Variants in GALNT18 observed in about 807,000 individuals in gnomAD.
GALNT18 encodes the protein polypeptide N-acetylgalactosaminyltransferase 18, also known as GalNAc-transferase 18.
GALNT18 carries 44 observed loss-of-function variants against 69.5 expected under a neutral mutation model. The ratio of observed to expected loss-of-function variants is 0.63; its 90% CI spans 0.50 to 0.81. The LOEUF (loss-of-function observed/expected upper bound fraction) is 0.81. Among genes scored for constraint, GALNT18 ranks in the 40% least tolerant of loss-of-function variants. GALNT18 has a pLI of 0.00. For synonymous variants in GALNT18, 364 were observed against 318.2 expected, an observed-to-expected ratio of 1.14 and a Z score of -1.53; for missense variants, 715 against 810.0, an observed-to-expected ratio of 0.88 and a Z score of 1.42.
In GALNT18 at chr11:11,542,494, C is replaced by T. The variant is rs890718370; in HGVS notation, c.235+78865G>A. On this transcript the variant is annotated intron_variant, in intron 1 of 10. Transcript: ENST00000227756. This position sits in a 1 kb window ranked among gnomAD's most constrained non-coding sequence, Gnocchi z 4.3. The stretch of plus-strand genomic sequence containing the variant: ...CAATGAATGAATGAAGAAATCATCA[C>T]GTGCTTCTCACTTTTCACATGCAAA... 2.0e-5 allele frequency among the ~76,000 whole-genome samples: 3 copies of T among 152,240 alleles called. No homozygotes were observed. Among genetic ancestry groups the T allele is most frequent in the Non-Finnish European group, 4.4e-5 (3 of 68,044 alleles).
chr11:11,337,793 G>T lies in GALNT18; in HGVS notation c.1278+3026C>A, dbSNP rs1430055174. On this transcript the variant is annotated intron_variant, in intron 7 of 10. Transcript: ENST00000227756. This position sits in a 1 kb window ranked among gnomAD's most constrained non-coding sequence, Gnocchi z 4.9. ...CGGTATGTAATGGGCAGTTCCCATA[G>T]TCCACGCAACGTATGCAGACTTCAA... 6.6e-6 allele frequency among the ~76,000 whole-genome samples: 1 copy of T among 152,056 alleles called. No individual in the cohort carries two copies. Among genetic ancestry groups the T allele is most frequent in the Non-Finnish European group, 1.5e-5 (1 of 68,020 alleles).
intron 2 of GALNT18, among the ~76,000 whole-genome samples, chr11:11,441,204 T>C (rs545011744): frequency 6.6e-6 from 1 of 152,332 alleles, no homozygotes; most frequent in East Asian, 1.9e-4. Context: ...AATAACATTA[T>C]ACTCTTGGCC....
rs551716581 is a variant in GALNT18, at chr11:11,356,592, C to T, written c.1093-15588G>A. On this transcript the variant is annotated intron_variant, in intron 6 of 10. Coordinates refer to ENST00000227756, the MANE Select transcript of GALNT18 (RefSeq NM_198516.3). This position sits in a 1 kb window ranked among gnomAD's most constrained non-coding sequence, Gnocchi z 4.4. ...AGTTCACCAATTGTCCCAATCAAAG[C>T]CTTTATAGCTATTTTTCCCCTTCAT... Among the ~76,000 whole-genome samples the T allele has an allele frequency of 1.3e-5, 2 of 152,128 alleles. No homozygotes were observed. Among genetic ancestry groups the T allele is most frequent in the Admixed American group, 1.3e-4 (2 of 15,284 alleles).
chr11:11,432,603 G>C lies in GALNT18; in HGVS notation c.595+18C>G, dbSNP rs778048857. The C allele has an allele frequency of 1.3e-6, 2 of 1,593,520 alleles. No homozygotes were observed. Among genetic ancestry groups the C allele is most frequent in the South Asian group, 1.1e-5 (1 of 87,616 alleles). On this transcript the variant is annotated intron_variant, in intron 3 of 10. Coordinates refer to ENST00000227756, the MANE Select transcript of GALNT18 (RefSeq NM_198516.3). This position sits in a 1 kb window ranked among gnomAD's most constrained non-coding sequence, Gnocchi z 5.8. ...GCCAGGAAGTAGGGCCTGGGCCCTG[G>C]GAAGCTCCGACACTCACCGTTACTG...
At chr11:11,559,925 TACA>T (rs1858434400) in intron 1 of GALNT18, among the ~76,000 whole-genome samples, 1 of 113,540 alleles carries the variant, frequency 8.8e-6, no homozygotes. Context: ...TAGAATGAGA[TACA>T]ATGTGATGGG....
At chr11:11,501,366 T>A (rs960403965) in intron 1 of GALNT18, among the ~76,000 whole-genome samples, 1 of 152,198 alleles carries the variant, frequency 6.6e-6, no homozygotes, top group African/African-American at 2.4e-5. Flanking sequence ...TCTCACAGAA[T>A]CTTGGATCTG....
chr11:11,433,038 G>A (rs139954589), intron 2 of GALNT18, among the ~76,000 whole-genome samples: 2 of 152,238 alleles, frequency 1.3e-5, no homozygotes, highest in South Asian at 2.1e-4. Context: ...GTAATGCCAT[G>A]AGCACTTAGG....
At chr11:11,278,650 TA>T (rs200022552) in intron 10 of GALNT18, among the ~76,000 whole-genome samples, 14 of 149,270 alleles carry the variant, frequency 9.4e-5, no homozygotes, top group African/African-American at 3.0e-4. Flanking sequence ...GAGTTAAAAT[TA>T]AAAAAAAAAT....
intron 3 of GALNT18, among the ~76,000 whole-genome samples, chr11:11,394,858 A>G (rs1025096844): frequency 6.6e-6 from 1 of 152,174 alleles, no homozygotes; most frequent in African/African-American, 2.4e-5. Context: ...ACTTCCCCTG[A>G]ACATTCTGAG....
rs760346192 is a variant in GALNT18 at position 11,273,781 on chromosome 11, T to A, written c.1678-2491A>T. Among the ~76,000 whole-genome samples, 106 of 152,156 alleles carry A rather than the reference T, an allele frequency of 7.0e-4. 1 individual carries two copies. The highest frequency in any genetic ancestry group is 4.4e-4 in the Non-Finnish European group (30 of 68,038). On this transcript the variant is annotated intron_variant, in intron 10 of 10. Transcript: ENST00000227756. ...AGCACTATTCGCAATAGACAACATA[T>A]GGAATCAACCTAAGTATCCATCAAT...
intron 10 of GALNT18, among the ~76,000 whole-genome samples, chr11:11,283,030 G>T (rs922455049): frequency 2.0e-5 from 3 of 152,194 alleles, no homozygotes; most frequent in Admixed American, 6.5e-5. Context: ...GGCAAGGAGG[G>T]GAGGAGGTGG....
chr11:11,409,268 C>G (rs1854671023), intron 3 of GALNT18, among the ~76,000 whole-genome samples: 1 of 152,024 alleles, frequency 6.6e-6, no homozygotes, highest in Admixed American at 6.6e-5. Flanking sequence ...AGCTCAAATC[C>G]TGGGAAGGAA....
At position 11,340,951 on chromosome 11, in the gene GALNT18, G is replaced by A; in HGVS notation, c.1146C>T (p.His382=). ...TGTAGGGCTTGTGGGCTCGCTCAAT[G>A]TGGGCAATCCGTGAGCAGGGCAGGA... ...VEVLPCSRIA[H]IERAHKPYTE... The change falls in exon 7 of 11, where the codon CAC becomes CAT. Residue 382 remains histidine (H), a synonymous_variant. Coordinates refer to ENST00000227756, the MANE Select transcript of GALNT18 (RefSeq NM_198516.3). The surrounding 1 kb of genome is among the most constrained non-coding windows in gnomAD (Gnocchi z 4.2). 1 of 1,612,794 alleles carries A rather than the reference G, an allele frequency of 6.2e-7. No homozygotes were observed. Among genetic ancestry groups the A allele is most frequent in the Non-Finnish European group, 8.5e-7 (1 of 1,179,406 alleles).
intron 3 of GALNT18, among the ~76,000 whole-genome samples, chr11:11,399,683 C>T (rs578078643): frequency 6.6e-6 from 1 of 152,270 alleles, no homozygotes; most frequent in South Asian, 2.1e-4. Flanking sequence ...ACAACATATG[C>T]ACTTGGGCAA....
rs923771763 is a variant in GALNT18, at chr11:11,596,511, A to T, written c.235+24848T>A. Among the ~76,000 whole-genome samples the T allele has an allele frequency of 6.6e-6, 1 of 152,130 alleles. No homozygotes were observed. Among genetic ancestry groups the T allele is most frequent in the African/African-American group, 2.4e-5 (1 of 41,444 alleles). ...GTCCATGAACATGAGATGTCTTCCC[A>T]TTTATTTAGGTCTTCTTTAACTTTT... On this transcript the variant is annotated intron_variant, in intron 1 of 10. Coordinates refer to ENST00000227756, the MANE Select transcript of GALNT18 (RefSeq NM_198516.3). The surrounding 1 kb of genome is among the most constrained non-coding windows in gnomAD (Gnocchi z 4.2).
intron 10 of GALNT18, among the ~76,000 whole-genome samples, chr11:11,291,209 C>T (rs1050216731): frequency 6.6e-6 from 1 of 152,058 alleles, no homozygotes; most frequent in African/African-American, 2.4e-5. Context: ...GGTGTTTCCA[C>T]AGAGAGGGAG....
chr11:11,286,264 ATC>A (rs138651051), intron 10 of GALNT18, among the ~76,000 whole-genome samples: 336 of 152,354 alleles, frequency 2.2e-3, no homozygotes, highest in African/African-American at 7.5e-3. Context: ...CAATATGCAT[ATC>A]TGTTTTAGTA....
Position 11,379,108 on chromosome 11 carries a change from T to A in GALNT18, c.752A>T (p.Asp251Val). 4 of 1,608,858 alleles carry A rather than the reference T, an allele frequency of 2.5e-6. No individual in the cohort carries two copies. Among genetic ancestry groups the A allele is most frequent in the South Asian group, 1.1e-5 (1 of 90,822 alleles). ...GCCCACATTGAACTCCACGTGGGCATCAAAGAGTGCCACCACAGGGGCAGT... is the reference window on the plus strand; with the variant it reads ...GCCCACATTGAACTCCACGTGGGCAACAAAGAGTGCCACCACAGGGGCAGT... ...AATAPVVALF[D>V]AHVEFNVGWA... Residue 251 changes from aspartate to valine, a missense_variant, in exon 4 of 11, where the codon GAT becomes GTT. Physicochemically the swap from Asp to Val is radical, Grantham distance 152 (BLOSUM62 -3). Transcript: ENST00000227756.
intron 3 of GALNT18, among the ~76,000 whole-genome samples, chr11:11,390,443 CA>C (rs1159363470): frequency 2.0e-5 from 3 of 152,202 alleles, no homozygotes; most frequent in Admixed American, 2.0e-4. Flanking sequence ...CAGTGAGGGC[CA>C]ACCTCAGGCC....
Sources: allele counts gnomAD v4.1 joint callset (sites outside exome capture counted in the v4.1 genomes callset), GRCh38; gene constraint gnomAD v4.1.1; non-coding constraint Gnocchi (gnomAD v3.1); transcripts MANE v1.5; gene names NCBI Gene and HGNC (gene_info 2026-07-23, HGNC 2026-07-21).